The following ADAMTS14 variants were observed in gnomAD, a reference collection of about 807,000 sequenced individuals.
ADAMTS14 encodes A disintegrin and metalloproteinase with thrombospondin motifs 14.
A neutral mutation model predicts 128.6 loss-of-function variants in ADAMTS14; 100 were observed. That is an observed-to-expected ratio of 0.78 (90% CI 0.66 to 0.92). The LOEUF (loss-of-function observed/expected upper bound fraction) is 0.92, where lower values mean the gene tolerates loss of function less well. Ranked by LOEUF, ADAMTS14 falls within the 40% of genes least tolerant of loss-of-function variation. The pLI is 0.00. For synonymous variants in ADAMTS14, 665 were observed against 653.8 expected (o/e 1.02, Z -0.26); for missense variants, 1,562 against 1,658.6 (o/e 0.94, Z 1.01).
chr10:70,737,142 G>T (rs1013214835), intron 10 of ADAMTS14, among the ~76,000 whole-genome samples: 5 of 152,156 alleles, frequency 3.3e-5, no homozygotes, highest in South Asian at 4.1e-4. Context: ...GTCCCTCAGG[G>T]AGTGATTAGC....
At chr10:70,713,436 A>G (rs1207059864) in intron 4 of ADAMTS14, among the ~76,000 whole-genome samples, 1 of 152,182 alleles carries the variant, frequency 6.6e-6, no homozygotes, top group Non-Finnish European at 1.5e-5. Flanking sequence ...AGCTGCTGAC[A>G]TGCCCACAGA....
In ADAMTS14 at chr10:70,760,530, C is replaced by G. The variant is rs760947383; in HGVS notation, c.3349C>G (p.Pro1117Ala). 1 of 1,613,532 alleles carries G rather than the reference C, an allele frequency of 6.2e-7. No homozygotes were observed. Among genetic ancestry groups the G allele is most frequent in the Non-Finnish European group, 8.5e-7 (1 of 1,179,788 alleles). Residue 1117 changes from proline to alanine, a missense_variant, in exon 22 of 22, where the codon CCT (proline) becomes GCT (alanine). Physicochemically the swap from Pro to Ala is conservative, Grantham distance 27. Transcript: ENST00000373207. The part of the protein sequence containing the change: ...GPTSLPPFST[P>A]GSPLPGPQDP... ...AACCTCACTGCCCCCCTTCTCCACT[C>G]CTGGAAGCCCCTTACCAGGACCCCA...
Position 70,760,405 on chromosome 10 carries a change from T to C in ADAMTS14, c.3224T>C (p.Val1075Ala), listed in dbSNP as rs1842578823. ...GDRSVFCQME[V>A]LDRYCSIPGY... ...AGGTCTGTCTTCTGCCAGATGGAAG[T>C]GCTCGATCGCTACTGCTCCATTCCC... is the stretch of plus-strand genomic sequence containing the variant. The change falls in exon 22 of 22, where the codon GTG becomes GCG. Residue 1075 changes from valine (V) to alanine (A), a missense_variant. Coordinates refer to ENST00000373207, the MANE Select transcript of ADAMTS14 (RefSeq NM_080722.4). The C allele has an allele frequency of 2.5e-6, 4 of 1,606,450 alleles. No homozygotes were observed. The highest frequency in any genetic ancestry group is 3.4e-6 in the Non-Finnish European group (4 of 1,176,618).
chr10:70,679,121 G>A (rs541099069), intron 2 of ADAMTS14, among the ~76,000 whole-genome samples: 1 of 152,278 alleles, frequency 6.6e-6, no homozygotes, highest in South Asian at 2.1e-4. Context: ...GCAGGAGAAG[G>A]ACCTGTTTAG....
intron 19 of ADAMTS14, among the ~76,000 whole-genome samples, 175 bp downstream of exon 19, chr10:70,754,182 G>A (rs1412873232): frequency 2.0e-5 from 3 of 152,238 alleles, no homozygotes; most frequent in African/African-American, 7.2e-5. Flanking sequence ...TCTGTGCTAG[G>A]CCTTTAGGTT....
At chr10:70,694,148 C>T (rs540320620) in intron 2 of ADAMTS14, among the ~76,000 whole-genome samples, 6 of 152,350 alleles carry the variant, frequency 3.9e-5, no homozygotes, top group East Asian at 1.9e-4. Flanking sequence ...GAAATCTCAG[C>T]GTCGGCAGGC....
chr10:70,739,134 T>C, intron 11 of ADAMTS14, 144 bp downstream of exon 11: 1 of 1,055,008 alleles, frequency 9.5e-7, no homozygotes, highest in Non-Finnish European at 1.3e-6. Context: ...GGACACAAAC[T>C]TGTTGGTGGA....
intron 16 of ADAMTS14, 88 bp downstream of exon 16, chr10:70,750,073 C>A: frequency 6.5e-7 from 1 of 1,532,524 alleles, no homozygotes; most frequent in Non-Finnish European, 8.8e-7. Context: ...AGCGTGACAC[C>A]ATTCTGGTGT....
intron 15 of ADAMTS14, among the ~76,000 whole-genome samples, chr10:70,747,109 C>G (rs762248950): frequency 6.6e-6 from 1 of 152,124 alleles, no homozygotes; most frequent in South Asian, 2.1e-4. Flanking sequence ...TTGTAAATAC[C>G]TTCAAAGTTT....
At chr10:70,703,492 G>A (rs1414918095) in intron 3 of ADAMTS14, among the ~76,000 whole-genome samples, 2 of 152,196 alleles carry the variant, frequency 1.3e-5, no homozygotes, top group Non-Finnish European at 2.9e-5. Context: ...GAGAAGCTGT[G>A]GCACCAGAGC....
intron 2 of ADAMTS14, among the ~76,000 whole-genome samples, chr10:70,678,128 C>T (rs148764227): frequency 6.6e-6 from 1 of 152,298 alleles, no homozygotes; most frequent in East Asian, 1.9e-4. Flanking sequence ...TTAACTCCAT[C>T]CATTTGCAGA....
intron 12 of ADAMTS14, 145 bp from the exon 13 acceptor site, chr10:70,743,403 A>C: frequency 1.1e-6 from 1 of 921,352 alleles, no homozygotes; most frequent in Non-Finnish European, 1.5e-6. Flanking sequence ...CACAGCAGGG[A>C]TTTTCAGCCC....
chr10:70,675,032 C>A (rs760436249), intron 2 of ADAMTS14, 37 bp downstream of exon 2: 11 of 1,593,472 alleles, frequency 6.9e-6, no homozygotes, highest in Middle Eastern at 1.9e-4. Context: ...GCATCCTCCC[C>A]CTCCCATGCC....
chr10:70,712,097 C>T (rs1840880327), intron 4 of ADAMTS14, among the ~76,000 whole-genome samples: 1 of 152,144 alleles, frequency 6.6e-6, no homozygotes, highest in Non-Finnish European at 1.5e-5. Flanking sequence ...TCTGAACACA[C>T]CCACCATGCT....
At chr10:70,724,747 G>A (rs1841374608) in intron 4 of ADAMTS14, among the ~76,000 whole-genome samples, 2 of 152,182 alleles carry the variant, frequency 1.3e-5, no homozygotes, top group African/African-American at 2.4e-5. Flanking sequence ...CCAGAGGACT[G>A]CAACAGGGGA....
rs1842603729 is a variant in ADAMTS14 at position 70,761,105 on chromosome 10, C to T, written c.*252C>T. On this transcript the variant is annotated 3_prime_UTR_variant, in exon 22 of 22. Transcript: ENST00000373207. ...GGCGGGACTGACCCTCTCAGGGCCC[C>T]TGTTGGTCTCCCCTGCCAAGACCAG... 4.2e-6 allele frequency: 2 copies of T among 479,342 alleles called. No homozygotes were observed. Among genetic ancestry groups the T allele is most frequent in the Non-Finnish European group, 7.1e-6 (2 of 280,212 alleles). The allele number at this position is 479,342 out of a possible 1,614,324, so 29.7% of individuals were successfully genotyped here.
chr10:70,759,346 C>T (rs1028055525), intron 21 of ADAMTS14, among the ~76,000 whole-genome samples: 13 of 152,026 alleles, frequency 8.6e-5, no homozygotes, highest in Non-Finnish European at 1.2e-4. Context: ...CCACTCTTCC[C>T]ACCTCCCTCT....
intron 6 of ADAMTS14, 26 bp downstream of exon 6, chr10:70,730,275 G>C (rs1267162470): frequency 5.0e-6 from 8 of 1,606,494 alleles, no homozygotes; most frequent in Non-Finnish European, 5.1e-6. Context: ...TATTTGCCAT[G>C]GCCAGGTGTG....
chr10:70,691,876 C>A (rs1840202995), intron 2 of ADAMTS14, among the ~76,000 whole-genome samples: 1 of 152,222 alleles, frequency 6.6e-6, no homozygotes, highest in Non-Finnish European at 1.5e-5. Context: ...CTCTTACTTG[C>A]CCATTTCTGG....
Sources: gnomAD v4.1 joint callset for allele counts (sites outside exome capture counted in the v4.1 genomes callset) on GRCh38, gnomAD v4.1.1 for gene constraint, MANE v1.5 for transcripts, NCBI Gene and HGNC (gene_info 2026-07-23, HGNC 2026-07-21) for gene names.